CFAP58: variants seen among roughly 807,000 people sequenced by gnomAD.
The protein encoded by CFAP58 is cilia and flagella associated protein 58.
CFAP58 carries 88 observed loss-of-function variants against 119.5 expected under a neutral mutation model. That is an observed-to-expected ratio of 0.74 (90% confidence interval 0.62 to 0.88). The LOEUF (loss-of-function observed/expected upper bound fraction) is 0.88. Among genes scored for constraint, CFAP58 ranks in the 40% least tolerant of loss-of-function variants. The probability of loss-of-function intolerance (pLI) is 0.00; values close to 1 mark genes in which losing one functional copy is unlikely to be tolerated. For synonymous variants in CFAP58, 365 were observed against 366.3 expected, an observed-to-expected ratio of 1.00 and a Z score of 0.04; for missense variants, 990 against 1,021.2, an observed-to-expected ratio of 0.97 and a Z score of 0.42.
intron 15 of CFAP58, among the ~76,000 whole-genome samples, chr10:104,422,035 A>C (rs1217715563): frequency 6.6e-6 from 1 of 152,032 alleles, no homozygotes; most frequent in East Asian, 1.9e-4. Context: ...AAAATACAAA[A>C]AATGAGCCAG....
intron 11 of CFAP58, among the ~76,000 whole-genome samples, chr10:104,398,056 CTG>C (rs1403752513): frequency 6.6e-6 from 1 of 152,230 alleles, no homozygotes; most frequent in African/African-American, 2.4e-5. Flanking sequence ...AAAAGCCTGA[CTG>C]TTGAATGCCC....
chr10:104,438,417 A>G (rs1288390866), intron 15 of CFAP58, among the ~76,000 whole-genome samples: 1 of 126,270 alleles, frequency 7.9e-6, no homozygotes, highest in African/African-American at 3.2e-5. Context: ...CGCCCAGGCC[A>G]GACTGCGGAC....
chr10:104,362,993 C>A (rs192471905), intron 3 of CFAP58, among the ~76,000 whole-genome samples: 83 of 152,324 alleles, frequency 5.4e-4, no homozygotes, highest in African/African-American at 2.0e-3. Flanking sequence ...AGTGCCTTGT[C>A]TTCCATTCTC....
intron 1 of CFAP58, among the ~76,000 whole-genome samples, chr10:104,354,622 G>T (rs2014516089): frequency 6.6e-6 from 1 of 151,958 alleles, no homozygotes; most frequent in Non-Finnish European, 1.5e-5. Context: ...ATCCACTATG[G>T]CCCTACCCAA....
At chr10:104,368,699 T>C in intron 6 of CFAP58, 139 bp downstream of exon 6, 2 of 815,896 alleles carry the variant, frequency 2.5e-6, no homozygotes, top group African/African-American at 1.7e-5. Context: ...TGCAAGCCTA[T>C]AGTGATTGCT....
In CFAP58 at chr10:104,404,860, G is replaced by A. The variant is rs1156355057; in HGVS notation, c.2151+1020G>A. Among the ~76,000 whole-genome samples the A allele has an allele frequency of 7.2e-5, 11 of 152,250 alleles. No individual in the cohort carries two copies. The East Asian group carries it at 1.9e-3, about 27-fold the overall frequency. On this transcript the variant is annotated intron_variant, in intron 14 of 17. Transcript: ENST00000369704. ...GATCCGCCCACCTCAGCCTCCCAAA[G>A]TGCTGGGATTACAGGCGTGAGCCAC...
At chr10:104,338,769 A>T in the CFAP58 span, among the ~76,000 whole-genome samples, 1 of 152,152 alleles carries the variant, frequency 6.6e-6, no homozygotes, top group Non-Finnish European at 1.5e-5. Context: ...AGTCGGGGAG[A>T]GTTTTCTGCG....
chr10:104,419,358 T>TGGAGTGTTACACAGAG (rs2133065740), intron 15 of CFAP58, among the ~76,000 whole-genome samples: 1 of 152,260 alleles, frequency 6.6e-6, no homozygotes, highest in Non-Finnish European at 1.5e-5. Context: ...CCAGCAACAC[T>TGGAGTGTTACACAGAG]TAACCTCTGA....
intron 15 of CFAP58, 55 bp downstream of exon 15, chr10:104,406,848 A>C: frequency 7.6e-7 from 1 of 1,324,132 alleles, no homozygotes; most frequent in Non-Finnish European, 1.1e-6. Flanking sequence ...CACCATCTCC[A>C]GGACTACGTT....
At chr10:104,377,413 C>A (rs2011692879) in intron 8 of CFAP58, among the ~76,000 whole-genome samples, 1 of 152,158 alleles carries the variant, frequency 6.6e-6, no homozygotes, top group Non-Finnish European at 1.5e-5. Flanking sequence ...TGGTCCAAAG[C>A]TAAGGGAGGG....
At chr10:104,436,604 C>T (rs1014611320) in intron 15 of CFAP58, among the ~76,000 whole-genome samples, 3 of 152,100 alleles carry the variant, frequency 2.0e-5, no homozygotes, top group Non-Finnish European at 2.9e-5. Flanking sequence ...AACCAGATCT[C>T]ACTAGTACTC....
chr10:104,390,722 G>C lies in CFAP58; in HGVS notation c.1366-1511G>C, dbSNP rs180924759. Among the ~76,000 whole-genome samples the C allele has an allele frequency of 9.1e-3, 1,386 of 152,108 alleles. 16 individuals carry two copies. Among genetic ancestry groups the C allele is most frequent in the Non-Finnish European group, 0.012 (824 of 67,976 alleles). ...CCTAGTTTTGTTTTGTGTAGAAGAG[G>C]GGCTGATGTTGAAGGGAGAAAGTTC... On this transcript the variant is annotated intron_variant, in intron 9 of 17. Coordinates refer to ENST00000369704, the MANE Select transcript of CFAP58 (RefSeq NM_001008723.2).
At chr10:104,438,181 T>A (rs1005160924) in intron 15 of CFAP58, among the ~76,000 whole-genome samples, 1 of 152,160 alleles carries the variant, frequency 6.6e-6, no homozygotes, top group Non-Finnish European at 1.5e-5. Flanking sequence ...CAAATGACCA[T>A]GAATTTCACA....
Position 104,399,302 on chromosome 10 carries a change from C to A in CFAP58, c.1675-58C>A. ...CTGTACATCTGAATCCGGGCCCTGT[C>A]GTCCTGGTTTGTGCTGTAACGAATT... On this transcript the variant is annotated intron_variant, in intron 11 of 17. Coordinates refer to ENST00000369704, the MANE Select transcript of CFAP58 (RefSeq NM_001008723.2). 1.9e-6 allele frequency: 3 copies of A among 1,580,520 alleles called. 1 individual carries two copies. The highest frequency in any genetic ancestry group is 2.3e-5 in the South Asian group (2 of 87,310).
intron 17 of CFAP58, among the ~76,000 whole-genome samples, chr10:104,453,015 G>T (rs1327033282): frequency 6.6e-6 from 1 of 152,154 alleles, no homozygotes; most frequent in Admixed American, 6.5e-5. Context: ...AAGGCTGAGG[G>T]AGTCATTATA....
At chr10:104,348,606 C>A in the CFAP58 span, among the ~76,000 whole-genome samples, 11 of 152,316 alleles carry the variant, frequency 7.2e-5, no homozygotes, top group Admixed American at 1.3e-4. Flanking sequence ...CACCCATGCC[C>A]TCTTGTCAAC....
chr10:104,454,446 T>C lies in CFAP58; in HGVS notation c.2535T>C (p.Asp845=), dbSNP rs149402131. ...LQKNKDTAPM[D]NTFLMVKPNG... is the part of the protein sequence containing the mutation. ...GAAACAAGGACACAGCACCCATGGA[T>C]AACACCTTCTTAATGGTCAAACCAA... The change falls in exon 18 of 18, where the codon GAT becomes GAC. Residue 845 remains aspartate (D), a synonymous_variant. Coordinates refer to ENST00000369704, the MANE Select transcript of CFAP58 (RefSeq NM_001008723.2). The C allele has an allele frequency of 3.1e-6, 5 of 1,613,842 alleles. No homozygotes were observed. Among genetic ancestry groups the C allele is most frequent in the Non-Finnish European group, 4.2e-6 (5 of 1,179,770 alleles).
At chr10:104,422,400 G>C (rs1369619705) in intron 15 of CFAP58, among the ~76,000 whole-genome samples, 1 of 152,164 alleles carries the variant, frequency 6.6e-6, no homozygotes, top group Non-Finnish European at 1.5e-5. Flanking sequence ...GTGATAGCCT[G>C]AGTATCTGTT....
chr10:104,368,562 T>G lies in CFAP58; in HGVS notation c.930+2T>G. On this transcript the variant is annotated splice_donor_variant, in intron 6 of 17. Transcript: ENST00000369704. LOFTEE classifies it high-confidence loss of function. ...CAACAGAAGGCGTTGGAGCTCAAAGTAAACACCAAGTTACATGTCTGTTCC... is the reference window on the plus strand; with the variant it reads ...CAACAGAAGGCGTTGGAGCTCAAAGGAAACACCAAGTTACATGTCTGTTCC... 6.2e-7 allele frequency: 1 copy of G among 1,613,766 alleles called. No homozygotes were observed. Among genetic ancestry groups the G allele is most frequent in the Non-Finnish European group, 8.5e-7 (1 of 1,179,764 alleles).
Sources: gnomAD v4.1 joint callset for allele counts (sites outside exome capture counted in the v4.1 genomes callset) on GRCh38, gnomAD v4.1.1 for gene constraint, MANE v1.5 for transcripts, NCBI Gene and HGNC (gene_info 2026-07-23, HGNC 2026-07-21) for gene names.